The following KCND3 variants were observed in gnomAD, a reference collection of about 807,000 sequenced individuals.
KCND3 encodes the protein A-type voltage-gated potassium channel KCND3.
Under a neutral mutation model 51.1 loss-of-function variants are expected in KCND3, and 9 were observed. The observed-to-expected ratio is 0.18, with a 90% CI of 0.11 to 0.31. The LOEUF is 0.31. KCND3 is among the 10% of genes least tolerant of loss of function. The probability of loss-of-function intolerance (pLI) is 1.00; values close to 1 mark genes in which losing one functional copy is unlikely to be tolerated. For synonymous variants in KCND3, 349 were observed against 368.0 expected (o/e 0.95, Z 0.59); for missense variants, 526 against 903.8 (o/e 0.58, Z 5.36).
intron 2 of KCND3, among the ~76,000 whole-genome samples, chr1:111,844,080 C>G (rs548329410): frequency 6.6e-6 from 1 of 152,166 alleles, no homozygotes; most frequent in South Asian, 2.1e-4. Flanking sequence ...CAGCAGGAAA[C>G]GCAGGTTCAG....
At chr1:111,980,175 C>T (rs1674866296) in intron 2 of KCND3, among the ~76,000 whole-genome samples, 1 of 150,078 alleles carries the variant, frequency 6.7e-6, no homozygotes. Context: ...AACATTCTTA[C>T]CCACTCTGGG....
chr1:111,944,914 C>T (rs1021403243), intron 2 of KCND3, among the ~76,000 whole-genome samples: 3 of 152,250 alleles, frequency 2.0e-5, no homozygotes, highest in African/African-American at 7.2e-5. Flanking sequence ...CCTTGGCACA[C>T]ATGGTGCTGT....
intron 2 of KCND3, among the ~76,000 whole-genome samples, chr1:111,863,333 A>T (rs1571759200): frequency 5.5e-4 from 1 of 1,826 alleles, no homozygotes; most frequent in Non-Finnish European, 4.6e-3. Context: ...AGGAAACAGT[A>T]AAAAAAAAAA....
At chr1:111,945,240 G>A (rs148701697) in intron 2 of KCND3, among the ~76,000 whole-genome samples, 17 of 152,322 alleles carry the variant, frequency 1.1e-4, no homozygotes, top group Non-Finnish European at 2.1e-4. Context: ...GCCCTTGTTC[G>A]AGGTACACCA....
chr1:111,901,620 C>T (rs1251679049), intron 2 of KCND3, among the ~76,000 whole-genome samples: 1 of 152,212 alleles, frequency 6.6e-6, no homozygotes, highest in African/African-American at 2.4e-5. Flanking sequence ...ACAATAAATG[C>T]TGAAGCAGAG....
intron 2 of KCND3, among the ~76,000 whole-genome samples, chr1:111,895,143 G>T (rs1361104851): frequency 6.7e-6 from 1 of 149,006 alleles, no homozygotes; most frequent in Non-Finnish European, 1.5e-5. Context: ...GAAGTGGGGA[G>T]GGAGAAGGAG....
chr1:111,799,196 C>T (rs1300544263), intron 2 of KCND3, among the ~76,000 whole-genome samples: 2 of 69,526 alleles, frequency 2.9e-5, no homozygotes, highest in African/African-American at 6.3e-5. Context: ...AGATTAAGAT[C>T]AAGTAAAATA....
chr1:111,804,351 G>C (rs1429391450), intron 2 of KCND3, among the ~76,000 whole-genome samples: 9 of 152,264 alleles, frequency 5.9e-5, no homozygotes, highest in Non-Finnish European at 1.3e-4. Context: ...AGGGCTAGCA[G>C]GGACCCATCT....
intron 2 of KCND3, 98 bp from the exon 3 acceptor site, chr1:111,787,204 C>A: frequency 1.6e-6 from 2 of 1,278,454 alleles, no homozygotes; most frequent in Non-Finnish European, 2.2e-6. Context: ...TTCATTCATT[C>A]ATTCAGCAAT....
intron 2 of KCND3, among the ~76,000 whole-genome samples, chr1:111,979,678 T>C (rs1201493302): frequency 6.6e-6 from 1 of 152,196 alleles, no homozygotes; most frequent in African/African-American, 2.4e-5. Context: ...ATATAGTCTC[T>C]CTGAGCCTCA....
intron 2 of KCND3, among the ~76,000 whole-genome samples, chr1:111,943,411 C>T (rs1384058515): frequency 1.3e-5 from 2 of 152,176 alleles, no homozygotes; most frequent in African/African-American, 4.8e-5. Context: ...AGAGGCAGTT[C>T]AAGCTGGAGG....
At chr1:111,953,985 G>A (rs1673191602) in intron 2 of KCND3, among the ~76,000 whole-genome samples, 1 of 152,136 alleles carries the variant, frequency 6.6e-6, no homozygotes, top group African/African-American at 2.4e-5. Flanking sequence ...GCCCTCCACA[G>A]GGAGGCACCA....
Position 111,863,845 on chromosome 1 carries a change from C to A in KCND3, c.1107-76739G>T, listed in dbSNP as rs181997936. Among the ~76,000 whole-genome samples the A allele has an allele frequency of 1.0e-3, 152 of 152,084 alleles. 2 individuals carry two copies. Among genetic ancestry groups the A allele is most frequent in the Non-Finnish European group, 1.9e-3 (128 of 67,990 alleles). On this transcript the variant is annotated intron_variant, in intron 2 of 7. Coordinates refer to ENST00000302127, the MANE Select transcript of KCND3 (RefSeq NM_001378969.1). ...ACCAGCTGAAAGACAACTGAGTAAT[C>A]CAGGGGAGAAATGATGAGGGGGGTT...
Position 111,776,167 on chromosome 1 carries a change from C to T in KCND3, c.1878G>A (p.Glu626=), listed in dbSNP as rs944024237. ...SIPTPPALTP[E]GESRPPPASP... is the part of the protein sequence containing the mutation. ...TGGCAGGGGGTGGCCGACTTTCCCC[C>T]TCTGGGGTTAGCGCTGGGGGAGTGG... The change falls in exon 8 of 8, where the codon GAG becomes GAA. Residue 626 remains glutamate (E), a synonymous_variant. Transcript: ENST00000302127. 2 of 1,614,186 alleles carry T rather than the reference C, an allele frequency of 1.2e-6. No individual in the cohort carries two copies. The highest frequency in any genetic ancestry group is 1.3e-5 in the African/African-American group (1 of 75,048).
chr1:111,801,289 G>C lies in KCND3; in HGVS notation c.1107-14183C>G, dbSNP rs643085. ...TGTGCAGCACAGGCAGCATTGGCCA[G>C]AGTCAGACACCTTTATGCCCTGACG... On this transcript the variant is annotated intron_variant, in intron 2 of 7. Transcript: ENST00000302127. Among the ~76,000 whole-genome samples the C allele has an allele frequency of 4.9e-3, 742 of 152,356 alleles. 8 individuals are homozygous for C. The highest frequency in any genetic ancestry group is 0.017 in the African/African-American group (700 of 41,572).
At chr1:111,884,144 G>A (rs2101745530) in intron 2 of KCND3, among the ~76,000 whole-genome samples, 1 of 152,264 alleles carries the variant, frequency 6.6e-6, no homozygotes, top group Non-Finnish European at 1.5e-5. Context: ...GCCATTTTTG[G>A]CTAGGAGGAC....
Position 111,776,015 on chromosome 1 carries a change from C to A in KCND3, c.*62G>T. 1 of 1,573,472 alleles carries A rather than the reference C, an allele frequency of 6.4e-7. No homozygotes were observed. Among genetic ancestry groups the A allele is most frequent in the Non-Finnish European group, 8.7e-7 (1 of 1,143,538 alleles). ...GGGGAGGGAGTGGTCTCAGTGACCA[C>A]CCACCAACATGCCAGTCCCCTTCAT... On this transcript the variant is annotated 3_prime_UTR_variant, in exon 8 of 8. Coordinates refer to ENST00000302127, the MANE Select transcript of KCND3 (RefSeq NM_001378969.1).
chr1:111,944,505 C>G (rs1361325399), intron 2 of KCND3, among the ~76,000 whole-genome samples: 2 of 152,196 alleles, frequency 1.3e-5, no homozygotes, highest in African/African-American at 2.4e-5. Context: ...TAGACCTTTG[C>G]GAGGTGAAGC....
intron 2 of KCND3, among the ~76,000 whole-genome samples, chr1:111,893,884 G>C (rs1273530117): frequency 6.6e-6 from 1 of 152,170 alleles, no homozygotes; most frequent in Non-Finnish European, 1.5e-5. Flanking sequence ...CAGTAGGTTT[G>C]AGTTCCCTGC....
Sources: allele counts gnomAD v4.1 joint callset (sites outside exome capture counted in the v4.1 genomes callset), GRCh38; gene constraint gnomAD v4.1.1; transcripts MANE v1.5; gene names NCBI Gene and HGNC (gene_info 2026-07-23, HGNC 2026-07-21).